Variants in FKBP5 observed in about 807,000 individuals in gnomAD.
FKBP5 encodes FKBP prolyl isomerase 5, also known as peptidyl-prolyl cis-trans isomerase FKBP5.
In FKBP5, 23 loss-of-function variants were observed where a neutral mutation model predicts 50.5. That is an observed-to-expected ratio of 0.46 (90% CI 0.33 to 0.65). The LOEUF is 0.65. Among genes scored for constraint, FKBP5 ranks in the 30% least tolerant of loss-of-function variants. The pLI is 0.02. For missense variants in FKBP5, 411 were observed against 553.1 expected (o/e 0.74, Z 2.58); for synonymous variants, 176 against 190.6 (o/e 0.92, Z 0.63).
intron 1 of FKBP5, among the ~76,000 whole-genome samples, chr6:35,658,378 C>T (rs1023161940): frequency 3.4e-5 from 5 of 147,286 alleles, no homozygotes; most frequent in South Asian, 2.1e-4. Flanking sequence ...TTTGAGACTC[C>T]GTCAAAAAAA....
At chr6:35,622,915 C>T (rs1763887157) in intron 3 of FKBP5, among the ~76,000 whole-genome samples, 1 of 152,190 alleles carries the variant, frequency 6.6e-6, no homozygotes, top group Admixed American at 6.5e-5. Context: ...TAAATAATAA[C>T]AGTACTTGCC....
upstream of FKBP5, chr6:35,689,048 A>G (rs1372359872): frequency 1.3e-5 from 2 of 151,516 alleles, no homozygotes; most frequent in Non-Finnish European, 3.0e-5. Flanking sequence ...CGGGCTGTCG[A>G]TCCGCCTGTC....
intron 5 of FKBP5, among the ~76,000 whole-genome samples, chr6:35,617,109 C>T (rs1763683043): frequency 6.6e-6 from 1 of 152,028 alleles, no homozygotes. Flanking sequence ...GGAGCTATTT[C>T]CCTGGTATTC....
At chr6:35,702,122 A>G (rs1766199672) in intron 2 of FKBP5, among the ~76,000 whole-genome samples, 1 of 152,134 alleles carries the variant, frequency 6.6e-6, no homozygotes, top group African/African-American at 2.4e-5. Context: ...TGCTGGGATT[A>G]CAGGCGTGAG....
rs143893856 is a variant in FKBP5, at chr6:35,577,164, C to T, written c.1096G>A (p.Glu366Lys). The T allele has an allele frequency of 4.3e-6, 7 of 1,614,134 alleles. No homozygotes were observed. The highest frequency in any genetic ancestry group is 5.1e-6 in the Non-Finnish European group (6 of 1,179,992). ...RRGEAQLLMN[E>K]FESAKGDFEK... Reference sequence around the variant, plus strand: ...AAGTCACCCTTGGCTGACTCAAACTCGTTCATGAGCAGCTGGGCTTCACCC... The same window carrying T: ...AAGTCACCCTTGGCTGACTCAAACTTGTTCATGAGCAGCTGGGCTTCACCC... Residue 366 changes from glutamate to lysine, a missense_variant, in exon 10 of 11, where the codon GAG becomes AAG. Transcript: ENST00000357266.
intron 2 of FKBP5, among the ~76,000 whole-genome samples, chr6:35,717,156 G>C (rs1399424449): frequency 6.6e-6 from 1 of 152,158 alleles, no homozygotes; most frequent in Non-Finnish European, 1.5e-5. Context: ...TTCCCACAGG[G>C]CCATCAGTAG....
chr6:35,690,782 G>A (rs571624706), upstream of FKBP5, among the ~76,000 whole-genome samples: 3 of 151,960 alleles, frequency 2.0e-5, no homozygotes, highest in South Asian at 2.1e-4. Context: ...AGAGGTGGGC[G>A]GATCACCTGA....
Position 35,619,229 on chromosome 6 carries a change from T to C in FKBP5, c.394-19A>G. 1.3e-6 allele frequency: 2 copies of C among 1,564,090 alleles called. No homozygotes were observed. Among genetic ancestry groups the C allele is most frequent in the Non-Finnish European group, 1.8e-6 (2 of 1,136,130 alleles). On this transcript the variant is annotated intron_variant, in intron 4 of 10. Coordinates refer to ENST00000357266, the MANE Select transcript of FKBP5 (RefSeq NM_004117.4). ...GCTCAATCTAGAAAGAAAAAAGGAA[T>C]TCAGCTGAGAAAAGACCAAATAAAG...
At chr6:35,641,822 T>A (rs925627881) in intron 2 of FKBP5, among the ~76,000 whole-genome samples, 1 of 151,718 alleles carries the variant, frequency 6.6e-6, no homozygotes, top group African/African-American at 2.4e-5. Context: ...CTGGCCAACA[T>A]GGTGAAACCC....
At chr6:35,585,040 A>T in intron 8 of FKBP5, 2 of 985,432 alleles carry the variant, frequency 2.0e-6, no homozygotes, top group South Asian at 9.4e-5. Context: ...CATTACCAAT[A>T]ATGTTCTCCA....
intron 8 of FKBP5, chr6:35,584,732 A>G (rs1762548808): frequency 1.6e-5 from 16 of 985,436 alleles, no homozygotes; most frequent in Non-Finnish European, 1.9e-5. Flanking sequence ...AGTGGTTTTG[A>G]ACCTTTCATT....
At chr6:35,634,757 T>C (rs1160562036) in intron 3 of FKBP5, among the ~76,000 whole-genome samples, 1 of 152,170 alleles carries the variant, frequency 6.6e-6, no homozygotes, top group East Asian at 1.9e-4. Context: ...GTTGCTTGTC[T>C]GTGGCAGACA....
intron 5 of FKBP5, among the ~76,000 whole-genome samples, chr6:35,600,619 T>C (rs1339839467): frequency 6.6e-6 from 1 of 152,182 alleles, no homozygotes; most frequent in East Asian, 1.9e-4. Context: ...AGATTTATTG[T>C]CCTAGTAGCT....
chr6:35,624,374 C>T (rs1233268683), intron 3 of FKBP5, among the ~76,000 whole-genome samples: 2 of 152,222 alleles, frequency 1.3e-5, no homozygotes, highest in Admixed American at 1.3e-4. Context: ...CGGTGGCTCA[C>T]GCCTGTAATC....
At chr6:35,715,292 A>G (rs1013152216) in intron 2 of FKBP5, among the ~76,000 whole-genome samples, 1 of 152,194 alleles carries the variant, frequency 6.6e-6, no homozygotes, top group African/African-American at 2.4e-5. Context: ...GCCACTTACT[A>G]GGCACGTCAG....
intron 5 of FKBP5, among the ~76,000 whole-genome samples, chr6:35,614,442 A>G (rs1338327488): frequency 6.6e-6 from 1 of 152,170 alleles, no homozygotes; most frequent in Non-Finnish European, 1.5e-5. Flanking sequence ...TAACCAGAGC[A>G]TGGCAGGAAC....
intron 1 of FKBP5, among the ~76,000 whole-genome samples, chr6:35,653,228 C>T (rs1764860766): frequency 6.6e-6 from 1 of 152,122 alleles, no homozygotes; most frequent in Non-Finnish European, 1.5e-5. Flanking sequence ...GGGGCATGTG[C>T]CTGTAGCTGC....
chr6:35,702,068 G>C (rs995356546), intron 2 of FKBP5, among the ~76,000 whole-genome samples: 1 of 151,960 alleles, frequency 6.6e-6, no homozygotes, highest in East Asian at 1.9e-4. Context: ...GGCTGGTCTG[G>C]AACTCCTGAC....
chr6:35,620,691 G>C (rs1203359572), intron 3 of FKBP5, among the ~76,000 whole-genome samples: 1 of 152,122 alleles, frequency 6.6e-6, no homozygotes, highest in Non-Finnish European at 1.5e-5. Context: ...GGAGATTGAG[G>C]CTTCAGTGAG....
Sources: allele counts gnomAD v4.1 joint callset (sites outside exome capture counted in the v4.1 genomes callset), GRCh38; gene constraint gnomAD v4.1.1; transcripts MANE v1.5; gene names NCBI Gene and HGNC (gene_info 2026-07-23, HGNC 2026-07-21).